Variants in MAF observed in about 807,000 individuals in gnomAD.
MAF encodes the protein transcription factor Maf.
A neutral mutation model predicts 22.0 loss-of-function variants in MAF; 10 were observed. The ratio of observed to expected loss-of-function variants is 0.45; its 90% CI spans 0.28 to 0.77. MAF has a LOEUF of 0.77. Ranked by LOEUF, MAF falls within the 30% of genes least tolerant of loss-of-function variation. The pLI, the probability that MAF is intolerant of heterozygous loss-of-function variation, is 0.12. For missense variants in MAF, 544 were observed against 548.4 expected, an observed-to-expected ratio of 0.99 and a Z score of 0.08; for synonymous variants, 337 against 255.8, an observed-to-expected ratio of 1.32 and a Z score of -3.03.
chr16:79,535,623 CTT>C, the MAF span, among the ~76,000 whole-genome samples: 1 of 123,894 alleles, frequency 8.1e-6, no homozygotes, highest in Non-Finnish European at 1.6e-5. Context: ...GAGTTTTGCT[CTT>C]GTCGCCCAGG....
chr16:79,540,866 CA>C, the MAF span, among the ~76,000 whole-genome samples: 543 of 152,086 alleles, frequency 3.6e-3, 5 homozygotes, highest in African/African-American at 0.013. Flanking sequence ...ATCTGCAGTG[CA>C]CAATCTAGGT....
At chr16:79,311,332 C>T in the MAF span, among the ~76,000 whole-genome samples, 1 of 152,060 alleles carries the variant, frequency 6.6e-6, no homozygotes, top group Admixed American at 6.6e-5. Context: ...CAGGTATTGG[C>T]CCTTTCCTAC....
chr16:79,464,090 G>C, the MAF span, among the ~76,000 whole-genome samples: 1 of 152,182 alleles, frequency 6.6e-6, no homozygotes, highest in Non-Finnish European at 1.5e-5. Context: ...GAAAGCAGAA[G>C]TTCTCCACTC....
the MAF span, among the ~76,000 whole-genome samples, chr16:79,443,810 T>G: frequency 9.3e-4 from 142 of 152,318 alleles, no homozygotes; most frequent in Non-Finnish European, 1.8e-3. Context: ...TAGTCACACC[T>G]ACCTCACAGG....
the MAF span, among the ~76,000 whole-genome samples, chr16:79,536,444 A>T: frequency 6.6e-6 from 1 of 152,196 alleles, no homozygotes; most frequent in African/African-American, 2.4e-5. Flanking sequence ...GGAGTTCAAG[A>T]CCAGCCTGGC....
the MAF span, among the ~76,000 whole-genome samples, chr16:79,473,800 T>C: frequency 8.5e-5 from 13 of 152,192 alleles, no homozygotes; most frequent in Non-Finnish European, 1.9e-4. Flanking sequence ...ACAGCTGATC[T>C]GGGTGAGGGC....
chr16:79,327,048 C>G, the MAF span, among the ~76,000 whole-genome samples: 1 of 152,228 alleles, frequency 6.6e-6, no homozygotes, highest in African/African-American at 2.4e-5. Context: ...AGTCTGCATA[C>G]TGAACTACTG....
chr16:79,461,754 G>A, the MAF span, among the ~76,000 whole-genome samples: 2 of 152,158 alleles, frequency 1.3e-5, no homozygotes, highest in African/African-American at 4.8e-5. Context: ...TGCCCATGTG[G>A]TTGGTCTGAA....
chr16:79,355,804 G>A, the MAF span, among the ~76,000 whole-genome samples: 65 of 152,266 alleles, frequency 4.3e-4, no homozygotes, highest in African/African-American at 1.4e-3. Context: ...TATGGGCGGC[G>A]TGTGGGGAGG....
the MAF span, among the ~76,000 whole-genome samples, chr16:79,229,104 G>A: frequency 2.0e-5 from 3 of 149,374 alleles, no homozygotes; most frequent in Non-Finnish European, 4.5e-5. Flanking sequence ...GGCAAATCAT[G>A]TGTCCTCTCA....
chr16:79,493,155 C>CTTGTT, the MAF span, among the ~76,000 whole-genome samples: 3 of 145,214 alleles, frequency 2.1e-5, no homozygotes, highest in Non-Finnish European at 3.0e-5. Flanking sequence ...TTTGTTTTGT[C>CTTGTT]TTGTTTTGTT....
At chr16:79,309,148 G>C in the MAF span, among the ~76,000 whole-genome samples, 2 of 152,124 alleles carry the variant, frequency 1.3e-5, no homozygotes, top group Admixed American at 6.6e-5. Context: ...TTGGATACAG[G>C]GGTGCTCTTC....
the MAF span, among the ~76,000 whole-genome samples, chr16:79,388,939 G>A: frequency 6.6e-6 from 1 of 152,204 alleles, no homozygotes; most frequent in Non-Finnish European, 1.5e-5. Context: ...GGCCGTGATT[G>A]AGACTGGTTT....
At chr16:79,361,383 G>A in the MAF span, among the ~76,000 whole-genome samples, 2 of 152,226 alleles carry the variant, frequency 1.3e-5, no homozygotes, top group African/African-American at 2.4e-5. Flanking sequence ...AGGTGCCTGG[G>A]TTGGAACTTC....
chr16:79,326,387 C>T, the MAF span, among the ~76,000 whole-genome samples: 1 of 152,128 alleles, frequency 6.6e-6, no homozygotes, highest in Non-Finnish European at 1.5e-5. Context: ...GGGTTCTACC[C>T]CCATTTAAAC....
At chr16:79,212,363 A>G in the MAF span, 3 of 566,520 alleles carry the variant, frequency 5.3e-6, no homozygotes, top group Non-Finnish European at 9.0e-6. Context: ...ACCCAGAGGG[A>G]GTAGAATACG....
the MAF span, among the ~76,000 whole-genome samples, chr16:79,341,326 G>C: frequency 1.3e-5 from 2 of 152,212 alleles, no homozygotes; most frequent in Non-Finnish European, 2.9e-5. Flanking sequence ...GCTATGGTGA[G>C]AATTAAATGA....
At chr16:79,401,201 T>C in the MAF span, among the ~76,000 whole-genome samples, 1 of 152,252 alleles carries the variant, frequency 6.6e-6, no homozygotes, top group Non-Finnish European at 1.5e-5. Context: ...CCCGCGTGGA[T>C]TTCTTTAAGC....
chr16:79,333,906 C>A, the MAF span, among the ~76,000 whole-genome samples: 86 of 152,284 alleles, frequency 5.6e-4, 2 homozygotes, highest in South Asian at 0.017. Context: ...ATGCAGAAAC[C>A]TATCTGATGC....
Sources: gnomAD v4.1 joint callset for allele counts (sites outside exome capture counted in the v4.1 genomes callset) on GRCh38, gnomAD v4.1.1 for gene constraint, MANE v1.5 for transcripts, NCBI Gene and HGNC (gene_info 2026-07-23, HGNC 2026-07-21) for gene names.